The following HS3ST5 variants were observed in gnomAD, a reference collection of about 807,000 sequenced individuals.
HS3ST5 encodes the protein heparan sulfate-glucosamine 3-sulfotransferase 5.
A neutral mutation model predicts 25.4 loss-of-function variants in HS3ST5; 10 were observed. The ratio of observed to expected loss-of-function variants is 0.39; its 90% CI spans 0.24 to 0.67. The LOEUF is 0.67. Ranked by LOEUF, HS3ST5 falls within the 30% of genes least tolerant of loss-of-function variation. The pLI, the probability that HS3ST5 is intolerant of heterozygous loss-of-function variation, is 0.44. For synonymous variants in HS3ST5, 170 were observed against 162.4 expected, an observed-to-expected ratio of 1.05 and a Z score of -0.36; for missense variants, 324 against 420.7, an observed-to-expected ratio of 0.77 and a Z score of 2.01.
Position 114,304,113 on chromosome 6 carries a change from C to A in HS3ST5, c.-339+38082G>T, listed in dbSNP as rs900586188. On this transcript the variant is annotated intron_variant, in intron 1 of 4. Coordinates refer to ENST00000312719, the MANE Select transcript of HS3ST5 (RefSeq NM_153612.4). ...AGATGTCAGAAGTATTTCTGACTGA[C>A]CTACACTCAATTAGCAATTACTCAA... 5.3e-5 allele frequency among the ~76,000 whole-genome samples: 8 copies of A among 151,902 alleles called. 1 individual carries two copies. Among genetic ancestry groups the A allele is most frequent in the Admixed American group, 5.2e-4 (8 of 15,248 alleles).
intron 2 of HS3ST5, among the ~76,000 whole-genome samples, chr6:114,188,694 C>T (rs765663197): frequency 6.6e-6 from 1 of 152,112 alleles, no homozygotes; most frequent in Non-Finnish European, 1.5e-5. Flanking sequence ...TGGTGTCACT[C>T]TTGGAGGAAA....
At chr6:114,112,042 A>T (rs1289959822) in intron 3 of HS3ST5, among the ~76,000 whole-genome samples, 1 of 152,266 alleles carries the variant, frequency 6.6e-6, no homozygotes, top group South Asian at 2.1e-4. Flanking sequence ...CTGTATAATT[A>T]TCCCTCATAA....
At chr6:114,102,527 G>C (rs1445726153) in intron 3 of HS3ST5, among the ~76,000 whole-genome samples, 1 of 152,174 alleles carries the variant, frequency 6.6e-6, no homozygotes, top group Admixed American at 6.5e-5. Flanking sequence ...TGATTGAGGA[G>C]GGTACAGACA....
chr6:114,233,333 A>G (rs1433799972), intron 1 of HS3ST5, among the ~76,000 whole-genome samples: 2 of 152,174 alleles, frequency 1.3e-5, no homozygotes, highest in East Asian at 3.9e-4. Context: ...GATTTTATCA[A>G]TACTAATAAT....
intron 1 of HS3ST5, among the ~76,000 whole-genome samples, chr6:114,299,389 C>T (rs1247852588): frequency 1.3e-5 from 2 of 152,140 alleles, no homozygotes; most frequent in South Asian, 2.1e-4. Flanking sequence ...CCTGTGATCT[C>T]GCACTGCCTC....
At chr6:114,110,601 G>T (rs1310943725) in intron 3 of HS3ST5, among the ~76,000 whole-genome samples, 1 of 152,138 alleles carries the variant, frequency 6.6e-6, no homozygotes, top group Non-Finnish European at 1.5e-5. Flanking sequence ...AATAGTGTTT[G>T]GGTCTTACAG....
chr6:114,248,523 G>A (rs1226153675), intron 1 of HS3ST5, among the ~76,000 whole-genome samples: 2 of 151,868 alleles, frequency 1.3e-5, no homozygotes, highest in Non-Finnish European at 2.9e-5. Flanking sequence ...ATTTCATCTG[G>A]CAATAATTCA....
chr6:114,161,143 C>G (rs1389818074), intron 3 of HS3ST5, among the ~76,000 whole-genome samples: 3 of 151,824 alleles, frequency 2.0e-5, no homozygotes, highest in African/African-American at 7.3e-5. Context: ...CATAAATTAC[C>G]AAACCCAACT....
At chr6:114,214,870 T>C (rs1042333156) in intron 2 of HS3ST5, among the ~76,000 whole-genome samples, 5 of 152,202 alleles carry the variant, frequency 3.3e-5, no homozygotes, top group African/African-American at 4.8e-5. Flanking sequence ...GCATCTAGCA[T>C]GACTTGCTGT....
chr6:114,311,819 A>T (rs1264584195), intron 1 of HS3ST5, among the ~76,000 whole-genome samples: 1 of 152,204 alleles, frequency 6.6e-6, no homozygotes, highest in Non-Finnish European at 1.5e-5. Context: ...ATGAGATTAC[A>T]GGCGTGAGCC....
chr6:114,133,171 C>T (rs1055533934), intron 3 of HS3ST5, among the ~76,000 whole-genome samples: 1 of 152,194 alleles, frequency 6.6e-6, no homozygotes, highest in Admixed American at 6.5e-5. Flanking sequence ...ATCTTGTCTT[C>T]TGCCCATCAA....
chr6:114,147,500 T>A (rs761952254), intron 3 of HS3ST5, among the ~76,000 whole-genome samples: 1 of 152,156 alleles, frequency 6.6e-6, no homozygotes, highest in Non-Finnish European at 1.5e-5. Context: ...GGTCTTGGAA[T>A]AACCTAGTGC....
chr6:114,074,905 A>G (rs1774028837), intron 3 of HS3ST5, among the ~76,000 whole-genome samples: 2 of 152,330 alleles, frequency 1.3e-5, no homozygotes, highest in South Asian at 4.1e-4. Context: ...TAAAATTAGC[A>G]TTCTTAACAT....
chr6:114,285,405 A>G (rs1041084473), intron 1 of HS3ST5, among the ~76,000 whole-genome samples: 3 of 152,050 alleles, frequency 2.0e-5, no homozygotes. Flanking sequence ...AAGTTTACCT[A>G]TATAACAAAT....
intron 2 of HS3ST5, among the ~76,000 whole-genome samples, chr6:114,181,780 G>A (rs1342737615): frequency 6.6e-6 from 1 of 152,136 alleles, no homozygotes; most frequent in Non-Finnish European, 1.5e-5. Context: ...TGCTGCAGCA[G>A]TATGAACCTT....
chr6:114,264,813 A>G (rs1477606384), intron 1 of HS3ST5, among the ~76,000 whole-genome samples: 5 of 152,212 alleles, frequency 3.3e-5, no homozygotes, highest in Non-Finnish European at 7.3e-5. Context: ...GGAAAAATCC[A>G]GGAAAACTGA....
chr6:114,235,730 G>T (rs571433126), intron 1 of HS3ST5: 1 of 152,354 alleles, frequency 6.6e-6, no homozygotes, highest in Admixed American at 6.5e-5. Context: ...AAATCCAGAA[G>T]TCAGAAGTGG....
intron 1 of HS3ST5, among the ~76,000 whole-genome samples, chr6:114,323,649 T>G (rs1165308084): frequency 6.6e-6 from 1 of 152,208 alleles, no homozygotes; most frequent in African/African-American, 2.4e-5. Flanking sequence ...ATATAATGCA[T>G]GTTACGGGTT....
chr6:114,212,479 G>A (rs1161885134), intron 2 of HS3ST5, among the ~76,000 whole-genome samples: 1 of 151,974 alleles, frequency 6.6e-6, no homozygotes, highest in Non-Finnish European at 1.5e-5. Context: ...GATCCTGGTG[G>A]AGAAAACAAA....
Sources: gnomAD v4.1 joint callset for allele counts (sites outside exome capture counted in the v4.1 genomes callset) on GRCh38, gnomAD v4.1.1 for gene constraint, MANE v1.5 for transcripts, NCBI Gene and HGNC (gene_info 2026-07-23, HGNC 2026-07-21) for gene names.